SLC17A5: variants seen among roughly 807,000 people sequenced by gnomAD.
The protein encoded by SLC17A5 is sialin.
SLC17A5 carries 47 observed loss-of-function variants against 59.4 expected under a neutral mutation model. The observed-to-expected ratio is 0.79, with a 90% CI of 0.63 to 1.01. The LOEUF (loss-of-function observed/expected upper bound fraction) is 1.01, where lower values mean the gene tolerates loss of function less well. Among genes scored for constraint, SLC17A5 ranks in the 50% least tolerant of loss-of-function variants. The pLI, the probability that SLC17A5 is intolerant of heterozygous loss-of-function variation, is 0.00. For synonymous variants in SLC17A5, 202 were observed against 210.7 expected (o/e 0.96, Z 0.36); for missense variants, 522 against 595.5 (o/e 0.88, Z 1.28).
At chr6:73,635,985 C>T (rs1014821480) in intron 5 of SLC17A5, among the ~76,000 whole-genome samples, 3 of 151,990 alleles carry the variant, frequency 2.0e-5, no homozygotes, top group Non-Finnish European at 2.9e-5. Flanking sequence ...GTGATCCACC[C>T]GCCTCGGCCT....
At chr6:73,620,868 TAG>T (rs1276348725) in intron 7 of SLC17A5, among the ~76,000 whole-genome samples, 1 of 151,964 alleles carries the variant, frequency 6.6e-6, no homozygotes, top group Non-Finnish European at 1.5e-5. Flanking sequence ...ATTACAGGTG[TAG>T]GCCACCATGC....
At chr6:73,627,786 A>G (rs534211) in intron 6 of SLC17A5, among the ~76,000 whole-genome samples, 24,778 of 151,430 alleles carry the variant, frequency 0.16, 3,126 homozygotes, top group African/African-American at 0.35. Context: ...CTGCTACCAC[A>G]CCCGGCTAAT....
intron 3 of SLC17A5, 142 bp downstream of exon 3, chr6:73,641,549 T>C: frequency 1.5e-6 from 1 of 657,412 alleles, no homozygotes; most frequent in Admixed American, 2.9e-5. Flanking sequence ...AATTTTCTAG[T>C]TAGTCCTTTC....
Position 73,653,937 on chromosome 6 carries a change from G to T in SLC17A5, c.-51C>A, listed in dbSNP as rs1406623340. 1.5e-5 allele frequency: 22 copies of T among 1,495,764 alleles called. No individual in the cohort carries two copies. The highest frequency in any genetic ancestry group is 1.9e-5 in the Non-Finnish European group (21 of 1,097,348). 92.7% of individuals were successfully genotyped at this position (1,495,764 alleles called of 1,614,324 possible). On this transcript the variant is annotated 5_prime_UTR_variant, in exon 1 of 11. Transcript: ENST00000355773. ...GCCACCTGGCAGAGAAGGGAGCGCCGGCCCGACAGCCCGAAGCCCCCGGGC... is the reference window on the plus strand; with the variant it reads ...GCCACCTGGCAGAGAAGGGAGCGCCTGCCCGACAGCCCGAAGCCCCCGGGC...
In SLC17A5 at chr6:73,594,597, C is replaced by T. The variant is rs542775728; in HGVS notation, c.*480G>A. On this transcript the variant is annotated 3_prime_UTR_variant, in exon 11 of 11. Coordinates refer to ENST00000355773, the MANE Select transcript of SLC17A5 (RefSeq NM_012434.5). ...CTGCCTGGGCACACTCCCCTCAGTCCAGTTGCCAGGCGAAATTATACAGTG... is the reference window on the plus strand; with the variant it reads ...CTGCCTGGGCACACTCCCCTCAGTCTAGTTGCCAGGCGAAATTATACAGTG... The T allele has an allele frequency of 4.1e-4, 77 of 189,338 alleles. No homozygotes were observed. Among genetic ancestry groups the T allele is most frequent in the African/African-American group, 1.8e-3 (74 of 41,934 alleles). 11.7% of individuals were successfully genotyped at this position (189,338 alleles called of 1,614,324 possible).
At chr6:73,651,762 G>A (rs1769881398) in intron 1 of SLC17A5, among the ~76,000 whole-genome samples, 1 of 151,868 alleles carries the variant, frequency 6.6e-6, no homozygotes, top group Admixed American at 6.6e-5. Flanking sequence ...CTTGTTAGCC[G>A]GGATGGTCTC....
chr6:73,616,573 ACACACAC>A (rs1215409814), intron 7 of SLC17A5, among the ~76,000 whole-genome samples: 28 of 122,466 alleles, frequency 2.3e-4, no homozygotes, highest in African/African-American at 5.7e-4. Flanking sequence ...ACACACACAC[ACACACAC>A]GTTTATTTTT....
At chr6:73,650,284 T>C (rs1581994650) in intron 1 of SLC17A5, among the ~76,000 whole-genome samples, 1 of 149,284 alleles carries the variant, frequency 6.7e-6, no homozygotes, top group African/African-American at 2.5e-5. Flanking sequence ...CCGAGGCAGG[T>C]GGATCACGTG....
chr6:73,645,067 T>C (rs918928913), intron 1 of SLC17A5, among the ~76,000 whole-genome samples: 2 of 152,194 alleles, frequency 1.3e-5, no homozygotes, highest in Non-Finnish European at 2.9e-5. Context: ...CCTTGTCAGC[T>C]GGCAAAGATA....
At chr6:73,604,075 C>A (rs1767286071) in intron 9 of SLC17A5, among the ~76,000 whole-genome samples, 1 of 152,024 alleles carries the variant, frequency 6.6e-6, no homozygotes, top group African/African-American at 2.4e-5. Context: ...AAGTACAGAT[C>A]TTTTTGGCTC....
intron 10 of SLC17A5, among the ~76,000 whole-genome samples, chr6:73,597,831 G>A (rs1252264224): frequency 1.3e-5 from 2 of 151,846 alleles, no homozygotes; most frequent in Non-Finnish European, 2.9e-5. Flanking sequence ...CAAACAAGCA[G>A]TAGAACTAGC....
chr6:73,615,370 T>G lies in SLC17A5; in HGVS notation c.1056A>C (p.Leu352Phe), dbSNP rs985998169. The change falls in exon 8 of 11, where the codon TTA (leucine) becomes TTC (phenylalanine). Residue 352 changes from leucine to phenylalanine, a missense_variant. By Grantham distance (22) the Leu-to-Phe change is conservative (BLOSUM62 0). Transcript: ENST00000355773. Reference sequence around the variant, plus strand: ...AAGTTGAAAAATTCCATTTTGCCCTTAAATTGTCAGCAGCTTGACCAGACA... The same window carrying G: ...AAGTTGAAAAATTCCATTTTGCCCTGAAATTGTCAGCAGCTTGACCAGACA... Reference protein sequence around the residue: ...MILSGQAADNLRAKWNFSTLC... With the variant: ...MILSGQAADNFRAKWNFSTLC... The G allele has an allele frequency of 5.0e-6, 8 of 1,613,936 alleles. No homozygotes were observed. In the Admixed American group the frequency reaches 8.3e-5, roughly 17 times the overall value.
intron 9 of SLC17A5, among the ~76,000 whole-genome samples, chr6:73,608,818 C>T (rs13207097): frequency 0.08 from 12,242 of 152,156 alleles, 671 homozygotes; most frequent in Middle Eastern, 0.16. Context: ...GAGACTGAGA[C>T]CACCCTGGGC....
chr6:73,636,574 C>T (rs1769012360), intron 5 of SLC17A5, 47 bp downstream of exon 5: 1 of 1,070,248 alleles, frequency 9.3e-7, no homozygotes, highest in Non-Finnish European at 1.5e-6. Context: ...ACTATTATTA[C>T]ATTTTGAATT....
At chr6:73,649,000 A>AT (rs369753367) in intron 1 of SLC17A5, among the ~76,000 whole-genome samples, 159 of 145,142 alleles carry the variant, frequency 1.1e-3, no homozygotes, top group South Asian at 1.5e-3. Flanking sequence ...ATAATATATA[A>AT]TTTTTTTTTT....
At chr6:73,610,573 A>G in intron 8 of SLC17A5, 26 bp from the exon 9 acceptor site, 3 of 1,612,880 alleles carry the variant, frequency 1.9e-6, no homozygotes, top group Non-Finnish European at 2.5e-6. Context: ...TATAAAAGGG[A>G]AAAAACACCC....
At chr6:73,653,540 T>A in intron 1 of SLC17A5, 1 of 865,336 alleles carries the variant, frequency 1.2e-6, no homozygotes. Context: ...CCGGTGGGGC[T>A]GCACCTGCCG....
intron 6 of SLC17A5, among the ~76,000 whole-genome samples, chr6:73,626,201 A>G (rs1328050869): frequency 3.3e-5 from 5 of 152,206 alleles, no homozygotes; most frequent in Non-Finnish European, 7.3e-5. Flanking sequence ...ATAAATATCA[A>G]TTGAGTTTTT....
chr6:73,638,533 T>C (rs1769132064), intron 3 of SLC17A5, 34 bp from the exon 4 acceptor site: 5 of 1,529,638 alleles, frequency 3.3e-6, no homozygotes, highest in Non-Finnish European at 4.5e-6. Context: ...TCTGATGAAA[T>C]GTAAGGTAGT....
Sources: allele counts gnomAD v4.1 joint callset (sites outside exome capture counted in the v4.1 genomes callset), GRCh38; gene constraint gnomAD v4.1.1; transcripts MANE v1.5; gene names NCBI Gene and HGNC (gene_info 2026-07-23, HGNC 2026-07-21).